Variants in LRRC37A2 observed in about 807,000 individuals in gnomAD.
LRRC37A2 encodes the protein leucine rich repeat containing 37 member A2.
A neutral mutation model predicts 68.8 loss-of-function variants in LRRC37A2; 9 were observed. The observed-to-expected ratio is 0.13, with a 90% CI of 0.08 to 0.23. LRRC37A2 has a LOEUF of 0.23. LRRC37A2 is among the 10% of genes least tolerant of loss of function. The pLI, the probability that LRRC37A2 is intolerant of heterozygous loss-of-function variation, is 1.00. For synonymous variants in LRRC37A2, 63 were observed against 367.6 expected, an observed-to-expected ratio of 0.17 and a Z score of 9.48; for missense variants, 168 against 950.4, an observed-to-expected ratio of 0.18 and a Z score of 10.82.
At chr17:46,932,498 C>T in the LRRC37A2 span, 3 of 591,454 alleles carry the variant, frequency 5.1e-6, no homozygotes, top group East Asian at 2.8e-5. Flanking sequence ...ATGGTGGAAA[C>T]GTTTTTCTGA....
At chr17:46,873,294 C>T in the LRRC37A2 span, among the ~76,000 whole-genome samples, 1 of 152,142 alleles carries the variant, frequency 6.6e-6, no homozygotes, top group African/African-American at 2.4e-5. Flanking sequence ...TTCTACCTCC[C>T]TCCCCACTCC....
the LRRC37A2 span, among the ~76,000 whole-genome samples, chr17:46,790,378 C>A: frequency 6.6e-6 from 1 of 152,190 alleles, no homozygotes; most frequent in Non-Finnish European, 1.5e-5. Flanking sequence ...AGCTTAGAAA[C>A]AAGGCTGCCT....
chr17:46,846,758 C>T, the LRRC37A2 span, among the ~76,000 whole-genome samples: 1 of 152,190 alleles, frequency 6.6e-6, no homozygotes, highest in African/African-American at 2.4e-5. Context: ...GTCCTCACAA[C>T]ACAATTCAAA....
chr17:46,548,727 T>C, exon 10 of LRRC37A2: 1 of 1,610,022 alleles, frequency 6.2e-7, no homozygotes, highest in African/African-American at 1.4e-5. Context: ...CCCAGGCATC[T>C]GTGGAGAACG....
chr17:46,941,809 C>A, the LRRC37A2 span: 2 of 302,668 alleles, frequency 6.6e-6, no homozygotes, highest in Non-Finnish European at 9.7e-6. Context: ...TGGTCTTAAA[C>A]TCCTGGCCTC....
chr17:46,925,134 A>G, the LRRC37A2 span, among the ~76,000 whole-genome samples: 9 of 152,172 alleles, frequency 5.9e-5, no homozygotes, highest in East Asian at 3.8e-4. Context: ...AGTTTTTTCT[A>G]TTAAGGGCCA....
chr17:46,886,362 TTAA>T, the LRRC37A2 span: 2 of 152,230 alleles, frequency 1.3e-5, no homozygotes, highest in Non-Finnish European at 2.9e-5. Flanking sequence ...CCCCTTTCAA[TTAA>T]TAAATAAAAT....
the LRRC37A2 span, among the ~76,000 whole-genome samples, chr17:46,982,067 G>A: frequency 2.0e-5 from 3 of 152,120 alleles, no homozygotes; most frequent in African/African-American, 7.2e-5. Flanking sequence ...AAACAACCTG[G>A]CTCAAGCTCC....
At chr17:46,995,118 C>T in the LRRC37A2 span, among the ~76,000 whole-genome samples, 2 of 151,996 alleles carry the variant, frequency 1.3e-5, no homozygotes, top group Non-Finnish European at 2.9e-5. Flanking sequence ...GTGAGACTGT[C>T]CCCCCACTCC....
chr17:47,027,972 C>A, the LRRC37A2 span, among the ~76,000 whole-genome samples: 39 of 152,250 alleles, frequency 2.6e-4, no homozygotes, highest in East Asian at 6.8e-3. Context: ...ATAAGACAAA[C>A]CCCCATGGCA....
intron 6 of LRRC37A2, among the ~76,000 whole-genome samples, chr17:46,534,736 CGGG>C: frequency 6.7e-6 from 1 of 150,056 alleles, no homozygotes; most frequent in Non-Finnish European, 1.5e-5. Flanking sequence ...GGGTGGCGGC[CGGG>C]CAGAGGGGCT....
At chr17:46,911,455 G>A in the LRRC37A2 span, 5 of 152,358 alleles carry the variant, frequency 3.3e-5, no homozygotes, top group Non-Finnish European at 4.4e-5. Context: ...TGGTGTATCT[G>A]ATCCAACTGG....
chr17:46,722,871 C>A, the LRRC37A2 span, among the ~76,000 whole-genome samples: 1 of 152,178 alleles, frequency 6.6e-6, no homozygotes, highest in East Asian at 1.9e-4. Flanking sequence ...GCACAGCCTT[C>A]GTCATGGTCG....
chr17:46,729,185 TTTG>T, the LRRC37A2 span, among the ~76,000 whole-genome samples: 1 of 152,090 alleles, frequency 6.6e-6, no homozygotes. Flanking sequence ...AGCATTGTAT[TTTG>T]TTGTTTTGTA....
chr17:46,934,763 A>T, the LRRC37A2 span, among the ~76,000 whole-genome samples: 2 of 152,222 alleles, frequency 1.3e-5, no homozygotes. Flanking sequence ...GGAGATCATG[A>T]TACAGAGACA....
chr17:46,441,883 ATC>A, the LRRC37A2 span, among the ~76,000 whole-genome samples: 1 of 65,774 alleles, frequency 1.5e-5, no homozygotes, highest in Admixed American at 1.5e-4. Context: ...TTAATTTACT[ATC>A]TAGTTAATTC....
At chr17:46,780,570 C>T in the LRRC37A2 span, among the ~76,000 whole-genome samples, 2 of 152,050 alleles carry the variant, frequency 1.3e-5, no homozygotes, top group South Asian at 2.1e-4. Context: ...GGGAGGATCA[C>T]GAGGTCAGGA....
the LRRC37A2 span, among the ~76,000 whole-genome samples, chr17:46,913,140 C>T: frequency 2.0e-5 from 3 of 152,184 alleles, no homozygotes; most frequent in Admixed American, 2.0e-4. Context: ...GCAAGAATGG[C>T]TCCACCGCTA....
chr17:47,000,338 G>A, the LRRC37A2 span, among the ~76,000 whole-genome samples: 2 of 151,064 alleles, frequency 1.3e-5, no homozygotes, highest in South Asian at 2.1e-4. Flanking sequence ...GGGTTTCAGC[G>A]ATTCTCCTGC....
Sources: allele counts gnomAD v4.1 joint callset (sites outside exome capture counted in the v4.1 genomes callset), GRCh38; gene constraint gnomAD v4.1.1; transcripts MANE v1.5; gene names NCBI Gene and HGNC (gene_info 2026-07-23, HGNC 2026-07-21).